The following ACIN1 variants were observed in gnomAD, a reference collection of about 807,000 sequenced individuals.
The protein encoded by ACIN1 is apoptotic chromatin condensation inducer 1.
A neutral mutation model predicts 146.6 loss-of-function variants in ACIN1; 16 were observed. The ratio of observed to expected loss-of-function variants is 0.11; its 90% CI spans 0.07 to 0.17. The LOEUF (loss-of-function observed/expected upper bound fraction) is 0.17. Among genes scored for constraint, ACIN1 ranks in the 10% least tolerant of loss-of-function variants. The probability of loss-of-function intolerance (pLI) is 1.00; values close to 1 mark genes in which losing one functional copy is unlikely to be tolerated. For missense variants in ACIN1, 1,357 were observed against 1,609.3 expected, an observed-to-expected ratio of 0.84 and a Z score of 2.68; for synonymous variants, 569 against 582.7, an observed-to-expected ratio of 0.98 and a Z score of 0.34.
intron 8 of ACIN1, among the ~76,000 whole-genome samples, 182 bp from the exon 9 acceptor site, chr14:23,069,799 T>C (rs531052408): frequency 3.9e-5 from 6 of 152,294 alleles, no homozygotes; most frequent in African/African-American, 1.4e-4. Context: ...GGGAAATAGA[T>C]TTTCCTTGGG....
Position 23,095,055 on chromosome 14 carries a change from T to C in ACIN1, c.58A>G (p.Thr20Ala). 6.2e-7 allele frequency: 1 copy of C among 1,613,900 alleles called. No individual in the cohort carries two copies. The highest frequency in any genetic ancestry group is 1.3e-5 in the African/African-American group (1 of 75,058). ...TGCTCCAGTGCGGCCTTCAGGTCGG[T>C]CACCCGCAGCGCCTGAAGAGGCTTC... ...DGKPLQALRV[T>A]DLKAALEQRG... Residue 20 changes from threonine (T) to alanine (A), a missense_variant, in exon 1 of 19, where the codon ACC (threonine) becomes GCC (alanine). Thr to Ala is a moderately conservative substitution (Grantham distance 58). This residue lies in a region of ACIN1 where 55 missense variants were observed against 123.9 expected (regional missense o/e 0.44). Coordinates refer to ENST00000605057, the MANE Select transcript of ACIN1 (RefSeq NM_001386863.1).
At chr14:23,095,386 A>G (rs1012757959), upstream of ACIN1, 7 of 1,423,040 alleles carry the variant, frequency 4.9e-6, no homozygotes, top group African/African-American at 1.0e-4. Flanking sequence ...TGAATCGAAT[A>G]TATTCGGAAA....
chr14:23,077,957 C>T (rs865809419), intron 8 of ACIN1, 194 bp downstream of exon 8: 10 of 437,104 alleles, frequency 2.3e-5, no homozygotes, highest in African/African-American at 6.1e-5. Context: ...TGTGCCCTGA[C>T]GACCACTTTT....
chr14:23,080,098 C>T lies in ACIN1; in HGVS notation c.1237G>A (p.Val413Ile), dbSNP rs2140155598. 1 of 1,614,130 alleles carries T rather than the reference C, an allele frequency of 6.2e-7. No individual in the cohort carries two copies. The highest frequency in any genetic ancestry group is 8.5e-7 in the Non-Finnish European group (1 of 1,180,022). ...TRELLVSQHT[V>I]QLVGGLSPLS... ...GGAGACAGGCCTCCTACCAACTGGA[C>T]AGTATGCTGAGATACTAATAGCTCC... Residue 413 changes from valine to isoleucine, a missense_variant, in exon 6 of 19, where the codon GTC becomes ATC. Physicochemically the swap from Val to Ile is conservative, Grantham distance 29 (BLOSUM62 3). Around this residue, in one of 4 missense-constraint regions of ACIN1, gnomAD observed 771 missense variants for 746.6 expected, o/e 1.03. Coordinates refer to ENST00000605057, the MANE Select transcript of ACIN1 (RefSeq NM_001386863.1).
intron 9 of ACIN1, among the ~76,000 whole-genome samples, chr14:23,066,844 CCAAA>C (rs1456088946): frequency 1.3e-5 from 2 of 152,032 alleles, no homozygotes; most frequent in East Asian, 1.9e-4. Context: ...AGTCTCTACC[CCAAA>C]CACTCAGTGG....
At chr14:23,071,988 T>C (rs993444336) in intron 8 of ACIN1, among the ~76,000 whole-genome samples, 11 of 152,130 alleles carry the variant, frequency 7.2e-5, no homozygotes, top group African/African-American at 2.2e-4. Flanking sequence ...ATGAGCAATG[T>C]TTTATGTGCC....
chr14:23,078,848 T>G lies in ACIN1; in HGVS notation c.1979A>C (p.His660Pro). Residue 660 changes from histidine (H) to proline (P), a missense_variant, in exon 7 of 19, where the codon CAT (histidine) becomes CCT (proline). Around this residue, in one of 4 missense-constraint regions of ACIN1, gnomAD observed 771 missense variants for 746.6 expected, o/e 1.03. Coordinates refer to ENST00000605057, the MANE Select transcript of ACIN1 (RefSeq NM_001386863.1). Reference protein sequence around the residue: ...RLSQPESAEKHVTQRLQPERG... With the variant: ...RLSQPESAEKPVTQRLQPERG... The stretch of plus-strand genomic sequence containing the variant: ...CTCAGGCTGTAACCTCTGGGTCACA[T>G]GCTTTTCAGCTGATTCAGGCTGACT... The G allele has an allele frequency of 6.2e-7, 1 of 1,613,118 alleles. No homozygotes were observed. The highest frequency in any genetic ancestry group is 8.5e-7 in the Non-Finnish European group (1 of 1,180,000).
At chr14:23,076,165 C>T (rs1466779224) in intron 8 of ACIN1, among the ~76,000 whole-genome samples, 3 of 152,296 alleles carry the variant, frequency 2.0e-5, no homozygotes, top group Non-Finnish European at 4.4e-5. Flanking sequence ...TGTATGCAAC[C>T]TTCTCAAAGA....
At position 23,090,104 on chromosome 14, in the gene ACIN1, G is replaced by A; in HGVS notation, c.317-3C>T. On this transcript the variant is annotated splice_region_variant and splice_polypyrimidine_tract_variant and intron_variant, in intron 3 of 18. Coordinates refer to ENST00000605057, the MANE Select transcript of ACIN1 (RefSeq NM_001386863.1). ...GTCCTCCGACTCAGCTGAAGCTTCT[G>A]CAAAGTACAGATCGGGTCGGGGCAG... The A allele has an allele frequency of 6.2e-7, 1 of 1,613,822 alleles. No homozygotes were observed. Among genetic ancestry groups the A allele is most frequent in the Non-Finnish European group, 8.5e-7 (1 of 1,179,870 alleles).
chr14:23,064,926 T>A (rs979736642), intron 10 of ACIN1, among the ~76,000 whole-genome samples: 1 of 146,884 alleles, frequency 6.8e-6, no homozygotes, highest in Admixed American at 6.7e-5. Flanking sequence ...AAATCATATT[T>A]GGGAACTGGG....
chr14:23,090,730 G>A lies in ACIN1; in HGVS notation c.205-97C>T, dbSNP rs1393228490. On this transcript the variant is annotated intron_variant, in intron 2 of 18. Coordinates refer to ENST00000605057, the MANE Select transcript of ACIN1 (RefSeq NM_001386863.1). ...GAGCAAAGGTCCACTCCTTATAGTT[G>A]CGCCCAAGAAAGATAACTAAAATGT... The A allele has an allele frequency of 1.0e-5, 9 of 861,388 alleles. No individual in the cohort carries two copies. The African/African-American group carries it at 1.5e-4, about 15-fold the overall frequency. 53.4% of individuals were successfully genotyped at this position (861,388 alleles called of 1,614,324 possible).
rs3077646 is a variant in ACIN1 at position 23,079,574 on chromosome 14, A to AGAACGT, written c.1755_1760dup (p.Arg588_Ser589dup). On this transcript the variant is annotated inframe_insertion, in exon 6 of 19. Transcript: ENST00000605057. Reference sequence around the variant, plus strand: ...TTCTGCTGTTGCTTGATGCTGAACGAGAACGTGAACGTGACCTTGATCTGG... The same window carrying AGAACGT: ...TTCTGCTGTTGCTTGATGCTGAACGAGAACGTGAACGTGAACGTGACCTTGATCTGG... 444,703 of 1,555,782 alleles carry AGAACGT rather than the reference A, an allele frequency of 0.29. 66,084 individuals carry two copies. Among genetic ancestry groups the AGAACGT allele is most frequent in the African/African-American group, 0.58 (42,506 of 73,546 alleles).
rs775229805 is a variant in ACIN1, at chr14:23,081,842, G to A, written c.437-6C>T. ...AGAAATTGAGGAGCTTTTTCCTATT[G>A]AATGAAAAAGAATCAAGTCAGATTC... On this transcript the variant is annotated splice_polypyrimidine_tract_variant and splice_region_variant and intron_variant, in intron 4 of 18. Transcript: ENST00000605057. 1 of 1,598,092 alleles carries A rather than the reference G, an allele frequency of 6.3e-7. No individual in the cohort carries two copies. The highest frequency in any genetic ancestry group is 8.5e-7 in the Non-Finnish European group (1 of 1,173,588).
At position 23,059,152 on chromosome 14, in the gene ACIN1, C is replaced by T; in HGVS notation, c.3848G>A (p.Arg1283His). The T allele has an allele frequency of 6.2e-7, 1 of 1,612,884 alleles. No individual in the cohort carries two copies. The highest frequency in any genetic ancestry group is 8.5e-7 in the Non-Finnish European group (1 of 1,179,292). Residue 1283 changes from arginine to histidine, a missense_variant, in exon 19 of 19, where the codon CGC (arginine) becomes CAC (histidine). By Grantham distance (29) the Arg-to-His change is conservative (BLOSUM62 0). Coordinates refer to ENST00000605057, the MANE Select transcript of ACIN1 (RefSeq NM_001386863.1). ...GCAGCTCTAGTGTTTTCCCAGCTAG[C>T]GGCGCCCACCCCGGTCCCGCACAGG... Reference protein sequence around the residue: ...STPVRDRGGRR With the variant: ...STPVRDRGGRH
Position 23,061,293 on chromosome 14 carries a change from C to T in ACIN1, c.3424+5G>A, listed in dbSNP as rs2139990941. On this transcript the variant is annotated splice_donor_5th_base_variant and intron_variant, in intron 17 of 18. Transcript: ENST00000605057. ...GGTATGCGTACCCCATAGCTAAGTA[C>T]CTACCTTTCTTCTCACTCTTCTTTT... 2 of 1,613,726 alleles carry T rather than the reference C, an allele frequency of 1.2e-6. No homozygotes were observed. The highest frequency in any genetic ancestry group is 2.2e-5 in the East Asian group (1 of 44,874).
In ACIN1 at chr14:23,080,511, A is replaced by T. The variant is rs763481019; in HGVS notation, c.824T>A (p.Val275Glu). The T allele has an allele frequency of 6.2e-7, 1 of 1,612,160 alleles. No homozygotes were observed. Among genetic ancestry groups the T allele is most frequent in the Admixed American group, 1.7e-5 (1 of 59,802 alleles). Residue 275 changes from valine to glutamate, a missense_variant, in exon 6 of 19, where the codon GTG becomes GAG. Coordinates refer to ENST00000605057, the MANE Select transcript of ACIN1 (RefSeq NM_001386863.1). ...RPKTRSQEQE[V>E]LERGGRFTRS... is the part of the protein sequence containing the mutation. ...TGTAAATCTCCCTCCTCTCTCTAAC[A>T]CCTCCTGTTCCTGGGATCTTGTTTT...
At chr14:23,074,084 C>T (rs1258329961) in intron 8 of ACIN1, among the ~76,000 whole-genome samples, 8 of 151,630 alleles carry the variant, frequency 5.3e-5, no homozygotes, top group African/African-American at 1.9e-4. Flanking sequence ...GTGATTCGCG[C>T]GTCTCGGCCT....
In ACIN1 at chr14:23,069,485, C is replaced by G; in HGVS notation, c.2256G>C (p.Glu752Asp). The change falls in exon 9 of 19, where the codon GAG becomes GAC. Residue 752 changes from glutamate (E) to aspartate (D), a missense_variant. By Grantham distance (45) the Glu-to-Asp change is conservative. Coordinates refer to ENST00000605057, the MANE Select transcript of ACIN1 (RefSeq NM_001386863.1). ...DRPEGSVEDE[E>D]KKESSLPKSF... ...TGGCTTGGATGTTTACCTCTTTCTT[C>G]TCCTCATCTTCAACACTGCCCTCCG... The G allele has an allele frequency of 6.2e-7, 1 of 1,613,754 alleles. No homozygotes were observed. The highest frequency in any genetic ancestry group is 1.3e-5 in the African/African-American group (1 of 75,060).
Position 23,061,721 on chromosome 14 carries a change from C to A in ACIN1, c.3100-99G>T, listed in dbSNP as rs549230645. On this transcript the variant is annotated intron_variant, in intron 16 of 18. Coordinates refer to ENST00000605057, the MANE Select transcript of ACIN1 (RefSeq NM_001386863.1). The stretch of plus-strand genomic sequence containing the variant: ...GGGCGCGGTGGCTCACGCCTGTAAT[C>A]CCAGCACTTTGGGAGGCCAAGGCGG... 5.5e-5 allele frequency: 63 copies of A among 1,140,034 alleles called. No homozygotes were observed. The East Asian group carries it at 1.6e-3, about 29-fold the overall frequency. The allele number at this position is 1,140,034 out of a possible 1,614,324, so 70.6% of individuals were successfully genotyped here.
Sources: gnomAD v4.1 joint callset for allele counts (sites outside exome capture counted in the v4.1 genomes callset) on GRCh38, gnomAD v4.1.1 for gene constraint, gnomAD v4.1.1 regional missense constraint, MANE v1.5 for transcripts, NCBI Gene and HGNC (gene_info 2026-07-23, HGNC 2026-07-21) for gene names.